The following CHL1 variants were observed in gnomAD, a reference collection of about 807,000 sequenced individuals.
CHL1 encodes neural cell adhesion molecule L1-like protein.
CHL1 carries 96 observed loss-of-function variants against 141.9 expected under a neutral mutation model. The observed-to-expected ratio is 0.68, with a 90% CI of 0.57 to 0.80. The LOEUF is 0.80. Ranked by LOEUF, CHL1 falls within the 30% of genes least tolerant of loss-of-function variation. The probability of loss-of-function intolerance (pLI) is 0.00; values close to 1 mark genes in which losing one functional copy is unlikely to be tolerated. For missense variants in CHL1, 1,820 were observed against 1,457.2 expected (o/e 1.25, Z -4.05); for synonymous variants, 613 against 502.2 (o/e 1.22, Z -2.95).
intron 2 of CHL1, chr3:248,619 GT>G (rs1346778712): frequency 1.2e-4 from 19 of 152,124 alleles, no homozygotes; most frequent in African/African-American, 4.3e-4. Flanking sequence ...CTGTCCCTCT[GT>G]TTTTGTTTGT....
At chr3:261,981 A>G (rs572919199) in intron 2 of CHL1, among the ~76,000 whole-genome samples, 17 of 140,038 alleles carry the variant, frequency 1.2e-4, no homozygotes, top group African/African-American at 3.7e-4. Context: ...GCCTAGATCT[A>G]CACAGTACTC....
At chr3:218,235 C>G (rs1292426395) in intron 1 of CHL1, among the ~76,000 whole-genome samples, 1 of 152,134 alleles carries the variant, frequency 6.6e-6, no homozygotes, top group Non-Finnish European at 1.5e-5. Flanking sequence ...TGAGGGTGTG[C>G]TCTTGCAGAA....
intron 15 of CHL1, among the ~76,000 whole-genome samples, chr3:372,179 T>C (rs1575199123): frequency 6.6e-6 from 1 of 152,232 alleles, no homozygotes; most frequent in Non-Finnish European, 1.5e-5. Flanking sequence ...GAAGTTCTCC[T>C]GGATAATATC....
At chr3:214,503 C>A (rs1406928205) in intron 1 of CHL1, among the ~76,000 whole-genome samples, 1 of 152,070 alleles carries the variant, frequency 6.6e-6, no homozygotes, top group Non-Finnish European at 1.5e-5. Flanking sequence ...GCTACGTTAT[C>A]AATATTATTT....
intron 16 of CHL1, among the ~76,000 whole-genome samples, chr3:380,821 A>G (rs1046408029): frequency 3.9e-5 from 6 of 152,232 alleles, no homozygotes; most frequent in African/African-American, 1.4e-4. Flanking sequence ...TATAATAATT[A>G]TACACATGAT....
intron 2 of CHL1, among the ~76,000 whole-genome samples, chr3:276,890 T>TAAAAAA (rs11292528): frequency 1.6e-5 from 1 of 64,436 alleles, no homozygotes; most frequent in Non-Finnish European, 2.8e-5. Context: ...CTCCGTCTCC[T>TAAAAAA]AAAAAAAAAA....
At chr3:252,132 A>C (rs952523444) in intron 2 of CHL1, among the ~76,000 whole-genome samples, 3 of 151,808 alleles carry the variant, frequency 2.0e-5, no homozygotes, top group Admixed American at 6.6e-5. Flanking sequence ...TCTTGTGGCC[A>C]AAGTAAAATT....
intron 2 of CHL1, among the ~76,000 whole-genome samples, chr3:290,964 GA>G (rs1300188185): frequency 6.7e-6 from 1 of 149,958 alleles, no homozygotes; most frequent in Non-Finnish European, 1.5e-5. Flanking sequence ...GAAAGAAAAA[GA>G]AAAAAAGTTA....
chr3:328,028 A>G (rs1411409994), intron 4 of CHL1, 139 bp from the exon 5 acceptor site: 4 of 479,708 alleles, frequency 8.3e-6, no homozygotes, highest in African/African-American at 4.0e-5. Flanking sequence ...ACCCTTATTT[A>G]TATCCTGTTA....
intron 2 of CHL1, among the ~76,000 whole-genome samples, chr3:310,267 T>A (rs908688260): frequency 6.6e-6 from 1 of 151,950 alleles, no homozygotes; most frequent in African/African-American, 2.4e-5. Context: ...CCTATCTCTA[T>A]AATTTTTTTT....
At chr3:227,600 G>A (rs1701469808) in intron 1 of CHL1, among the ~76,000 whole-genome samples, 2 of 152,242 alleles carry the variant, frequency 1.3e-5, no homozygotes, top group Non-Finnish European at 2.9e-5. Context: ...ACAATAGCAT[G>A]TGTGGACGGA....
At chr3:258,165 TG>T (rs1342286914) in intron 2 of CHL1, among the ~76,000 whole-genome samples, 4 of 152,330 alleles carry the variant, frequency 2.6e-5, no homozygotes, top group Middle Eastern at 3.4e-3. Context: ...CCCCCATGGC[TG>T]TCTGTCCAGG....
intron 2 of CHL1, among the ~76,000 whole-genome samples, chr3:258,933 T>A (rs1334602211): frequency 7.2e-6 from 1 of 138,088 alleles, no homozygotes; most frequent in African/African-American, 2.9e-5. Flanking sequence ...TATGGCAACA[T>A]CTTTTTTTTT....
At chr3:397,739 A>G (rs1708794093) in intron 24 of CHL1, among the ~76,000 whole-genome samples, 1 of 152,084 alleles carries the variant, frequency 6.6e-6, no homozygotes, top group Non-Finnish European at 1.5e-5. Context: ...CGTAGTTTGG[A>G]CTTCTATAAA....
chr3:257,507 C>T (rs1694285437), intron 2 of CHL1, among the ~76,000 whole-genome samples: 1 of 152,064 alleles, frequency 6.6e-6, no homozygotes, highest in Non-Finnish European at 1.5e-5. Flanking sequence ...GTGCCTGCCA[C>T]CATGCCTGGC....
intron 4 of CHL1, among the ~76,000 whole-genome samples, chr3:327,389 T>G (rs1701096496): frequency 6.6e-6 from 1 of 150,772 alleles, no homozygotes; most frequent in African/African-American, 2.4e-5. Flanking sequence ...GAACTGACAC[T>G]CTAGCATACT....
chr3:237,283 C>T (rs761650272), intron 1 of CHL1, among the ~76,000 whole-genome samples: 4 of 152,176 alleles, frequency 2.6e-5, no homozygotes, highest in Admixed American at 6.5e-5. Flanking sequence ...TGTCTCTCTG[C>T]TGCCACCATG....
chr3:217,564 G>A (rs1322417039), intron 1 of CHL1: 3 of 152,354 alleles, frequency 2.0e-5, no homozygotes, highest in Non-Finnish European at 4.4e-5. Flanking sequence ...CAGGAAAAGA[G>A]CCAGAAGAGC....
intron 1 of CHL1, among the ~76,000 whole-genome samples, chr3:238,264 A>G (rs1692189104): frequency 6.6e-6 from 1 of 152,138 alleles, no homozygotes; most frequent in South Asian, 2.1e-4. Flanking sequence ...CTGATGACCA[A>G]AAAAGAGGTA....
Sources: gnomAD v4.1 joint callset for allele counts (sites outside exome capture counted in the v4.1 genomes callset) on GRCh38, gnomAD v4.1.1 for gene constraint, MANE v1.5 for transcripts, NCBI Gene and HGNC (gene_info 2026-07-23, HGNC 2026-07-21) for gene names.